The following PTGER3 variants were observed in gnomAD, a reference collection of about 807,000 sequenced individuals.
PTGER3 encodes the protein prostaglandin E receptor 3.
A neutral mutation model predicts 34.7 loss-of-function variants in PTGER3; 22 were observed. The ratio of observed to expected loss-of-function variants is 0.63; its 90% CI spans 0.45 to 0.91. The LOEUF (loss-of-function observed/expected upper bound fraction) is 0.91, where lower values mean the gene tolerates loss of function less well. Among genes scored for constraint, PTGER3 ranks in the 40% least tolerant of loss-of-function variants. PTGER3 has a pLI of 0.00. For synonymous variants in PTGER3, 241 were observed against 230.1 expected, an observed-to-expected ratio of 1.05 and a Z score of -0.43; for missense variants, 468 against 519.4, an observed-to-expected ratio of 0.90 and a Z score of 0.96.
Position 70,912,119 on chromosome 1 carries a change from G to A in PTGER3, c.*23+41644C>T, listed in dbSNP as rs1433225312. Among the ~76,000 whole-genome samples the A allele has an allele frequency of 2.6e-5, 4 of 151,984 alleles. No homozygotes were observed. The South Asian group carries it at 8.3e-4, about 31-fold the overall frequency. On this transcript the variant is annotated intron_variant, in intron 4 of 4. Coordinates refer to the PTGER3 transcript ENST00000370931. ...ATGGATCAAAGAACTCGAAGTTATG[G>A]TAACTCGGTGTTCTTAAGTAGATAA...
chr1:70,938,452 A>G (rs1194717984), intron 4 of PTGER3, among the ~76,000 whole-genome samples: 1 of 152,220 alleles, frequency 6.6e-6, no homozygotes, highest in Non-Finnish European at 1.5e-5. Context: ...TGTCTTAAAA[A>G]AAAACATTTT....
chr1:71,011,620 A>G, intron 2 of PTGER3: 1 of 984,126 alleles, frequency 1.0e-6, no homozygotes, highest in Non-Finnish European at 1.2e-6. Context: ...TAAAGAGTAA[A>G]CCTAATTATC....
At chr1:70,894,997 G>C (rs1165611773) in intron 4 of PTGER3, among the ~76,000 whole-genome samples, 1 of 152,126 alleles carries the variant, frequency 6.6e-6, no homozygotes, top group Non-Finnish European at 1.5e-5. Flanking sequence ...GTGGTGGGCT[G>C]TTTGATGATT....
At chr1:70,951,788 G>A (rs567956370), downstream of PTGER3, among the ~76,000 whole-genome samples, 1 of 152,026 alleles carries the variant, frequency 6.6e-6, no homozygotes, top group Admixed American at 6.6e-5. Flanking sequence ...TCTGCCCTTG[G>A]GAAACTCATA....
intron 4 of PTGER3, among the ~76,000 whole-genome samples, chr1:70,874,064 G>A (rs961989572): frequency 6.6e-6 from 1 of 152,086 alleles, no homozygotes; most frequent in African/African-American, 2.4e-5. Context: ...TTTTAGACCT[G>A]ATGTTACAAA....
chr1:70,870,035 GA>G (rs1406218371), intron 4 of PTGER3, among the ~76,000 whole-genome samples: 3 of 152,172 alleles, frequency 2.0e-5, no homozygotes, highest in African/African-American at 7.2e-5. Context: ...GGTTCTCTGT[GA>G]GGGCTCACTC....
At chr1:70,892,837 C>CAAAAAA (rs1176220550) in intron 4 of PTGER3, among the ~76,000 whole-genome samples, 2 of 47,912 alleles carry the variant, frequency 4.2e-5, no homozygotes, top group African/African-American at 1.2e-4. Context: ...CAAGACTCCT[C>CAAAAAA]AAAAAAAAAA....
At chr1:70,999,870 C>T (rs1397915617) in intron 2 of PTGER3, among the ~76,000 whole-genome samples, 1 of 152,202 alleles carries the variant, frequency 6.6e-6, no homozygotes, top group Non-Finnish European at 1.5e-5. Context: ...CCATCTGCTG[C>T]CAGGAAACCA....
At chr1:70,866,912 C>T (rs1646054504) in intron 4 of PTGER3, among the ~76,000 whole-genome samples, 1 of 152,176 alleles carries the variant, frequency 6.6e-6, no homozygotes, top group South Asian at 2.1e-4. Context: ...TTAAACTACT[C>T]TCTCTGTCTC....
At position 70,973,380 on chromosome 1, in the gene PTGER3, C is replaced by T. The variant is rs1329144326; in HGVS notation, c.1169+917G>A. Among the ~76,000 whole-genome samples, 29 of 152,052 alleles carry T rather than the reference C, an allele frequency of 1.9e-4. 1 individual carries two copies. Among genetic ancestry groups the T allele is most frequent in the Admixed American group, 1.9e-3 (29 of 15,260 alleles). ...TAAGCTGTTTTCCAGAATCAACCAG[C>T]TTGTTCTTATCCTGTAAGTGGCACA... On this transcript the variant is annotated intron_variant, in intron 3 of 3. Coordinates refer to ENST00000306666, the MANE Select transcript of PTGER3 (RefSeq NM_198719.2).
intron 4 of PTGER3, among the ~76,000 whole-genome samples, chr1:70,896,326 G>C (rs1646721140): frequency 6.6e-6 from 1 of 152,128 alleles, no homozygotes; most frequent in Admixed American, 6.6e-5. Context: ...TTATCAAAGG[G>C]GGGAAATTTG....
intron 2 of PTGER3, among the ~76,000 whole-genome samples, chr1:70,983,950 G>T (rs1228663857): frequency 1.3e-5 from 2 of 152,102 alleles, no homozygotes; most frequent in Admixed American, 1.3e-4. Flanking sequence ...AGTCCCCAGG[G>T]ATTTATTGCC....
chr1:70,918,533 G>C (rs1647261423), intron 4 of PTGER3, among the ~76,000 whole-genome samples: 1 of 151,948 alleles, frequency 6.6e-6, no homozygotes, highest in South Asian at 2.1e-4. Context: ...CTTTTCTCTA[G>C]AGCATCTTAA....
intron 2 of PTGER3, chr1:71,009,247 A>T: frequency 1.0e-6 from 1 of 985,206 alleles, no homozygotes; most frequent in Non-Finnish European, 1.2e-6. Context: ...TGCTCACAGG[A>T]TCTTTCATAG....
intron 2 of PTGER3, among the ~76,000 whole-genome samples, chr1:70,983,284 G>GA (rs3044618): frequency 5.5e-4 from 81 of 148,222 alleles, no homozygotes; most frequent in South Asian, 3.2e-3. Context: ...TAATTAATCT[G>GA]AAAAAAAAAA....
chr1:70,874,832 TA>T (rs1646241427), intron 4 of PTGER3, among the ~76,000 whole-genome samples: 1 of 152,152 alleles, frequency 6.6e-6, no homozygotes, highest in African/African-American at 2.4e-5. Context: ...GTTTTTTTTT[TA>T]TTTGAAACAG....
chr1:70,979,768 A>G (rs1654077935), intron 2 of PTGER3, among the ~76,000 whole-genome samples: 1 of 152,074 alleles, frequency 6.6e-6, no homozygotes, highest in South Asian at 2.1e-4. Context: ...AAAGACTCCA[A>G]TGCCTTACAA....
intron 4 of PTGER3, among the ~76,000 whole-genome samples, chr1:70,868,628 C>T (rs527995815): frequency 1.6e-4 from 24 of 152,132 alleles, no homozygotes; most frequent in South Asian, 8.3e-4. Flanking sequence ...CTGAGTGAAA[C>T]GAAACTCTTC....
At chr1:71,017,911 C>G (rs142036278) in intron 1 of PTGER3, among the ~76,000 whole-genome samples, 4 of 152,152 alleles carry the variant, frequency 2.6e-5, no homozygotes, top group Admixed American at 6.5e-5. Context: ...ATCACAGGCA[C>G]GTGCCACCAG....
Sources: allele counts gnomAD v4.1 joint callset (sites outside exome capture counted in the v4.1 genomes callset), GRCh38; gene constraint gnomAD v4.1.1; transcripts MANE v1.5; gene names NCBI Gene and HGNC (gene_info 2026-07-23, HGNC 2026-07-21).